Variants in TTC28 observed in about 807,000 individuals in gnomAD.
TTC28 encodes the protein tetratricopeptide repeat protein 28.
In TTC28, 61 loss-of-function variants were observed where a neutral mutation model predicts 198.0. The ratio of observed to expected loss-of-function variants is 0.31; its 90% CI spans 0.25 to 0.38. The LOEUF is 0.38. Among genes scored for constraint, TTC28 ranks in the 10% least tolerant of loss-of-function variants. The pLI is 1.00. For synonymous variants in TTC28, 1,171 were observed against 1,297.8 expected, an observed-to-expected ratio of 0.90 and a Z score of 2.10; for missense variants, 2,678 against 3,164.0, an observed-to-expected ratio of 0.85 and a Z score of 3.69.
chr22:28,274,638 G>T (rs1312014217), intron 5 of TTC28, among the ~76,000 whole-genome samples: 1 of 152,142 alleles, frequency 6.6e-6, no homozygotes, highest in Non-Finnish European at 1.5e-5. Context: ...TTTCTTAAGA[G>T]TGACCAAAAA....
chr22:28,314,442 C>T (rs2045320616), intron 2 of TTC28, among the ~76,000 whole-genome samples: 1 of 152,208 alleles, frequency 6.6e-6, no homozygotes, highest in African/African-American at 2.4e-5. Flanking sequence ...CTGGAGGCAT[C>T]ACGCTTCCTG....
chr22:28,574,467 A>G (rs2050114817), intron 2 of TTC28, among the ~76,000 whole-genome samples: 1 of 152,090 alleles, frequency 6.6e-6, no homozygotes, highest in Non-Finnish European at 1.5e-5. Context: ...GCTACTGTAA[A>G]TGGTGCTGCA....
rs2046662522 is a variant in TTC28 at position 28,388,798 on chromosome 22, T to G, written c.382-82155A>C. On this transcript the variant is annotated intron_variant, in intron 2 of 22. Transcript: ENST00000397906. ...CATGTCATCTGCAAACAGGGACAATTTGACTTCCTCTTTTCCTAATTCAAT... is the reference window on the plus strand; with the variant it reads ...CATGTCATCTGCAAACAGGGACAATGTGACTTCCTCTTTTCCTAATTCAAT... 3.9e-5 allele frequency among the ~76,000 whole-genome samples: 6 copies of G among 152,226 alleles called. No individual in the cohort carries two copies. The South Asian group carries it at 1.2e-3, about 32-fold the overall frequency.
intron 6 of TTC28, among the ~76,000 whole-genome samples, chr22:28,149,156 A>G (rs1943547119): frequency 6.6e-6 from 1 of 152,214 alleles, no homozygotes; most frequent in East Asian, 1.9e-4. Context: ...AAACCTGTAC[A>G]GCATGTTGCT....
intron 2 of TTC28, among the ~76,000 whole-genome samples, chr22:28,366,366 A>G (rs933923570): frequency 3.9e-5 from 6 of 152,150 alleles, no homozygotes; most frequent in African/African-American, 1.2e-4. Context: ...TCAATCACCC[A>G]TTCTTTTAAC....
At chr22:28,509,600 A>G (rs535819361) in intron 2 of TTC28, among the ~76,000 whole-genome samples, 1 of 152,284 alleles carries the variant, frequency 6.6e-6, no homozygotes, top group East Asian at 1.9e-4. Flanking sequence ...CAAGTCAATA[A>G]CCTAACATCT....
chr22:28,099,918 C>G (rs998823519), intron 9 of TTC28, among the ~76,000 whole-genome samples: 10 of 152,232 alleles, frequency 6.6e-5, no homozygotes, highest in Non-Finnish European at 1.5e-4. Context: ...CAGATCATCA[C>G]TGGGCAAGCT....
At chr22:28,606,958 A>G (rs1019091010) in intron 2 of TTC28, among the ~76,000 whole-genome samples, 1 of 152,146 alleles carries the variant, frequency 6.6e-6, no homozygotes, top group African/African-American at 2.4e-5. Flanking sequence ...TTTTAAGCTG[A>G]AGTAATTTGA....
intron 1 of TTC28, among the ~76,000 whole-genome samples, chr22:28,645,798 C>G (rs548364310): frequency 6.6e-6 from 1 of 152,106 alleles, no homozygotes; most frequent in Admixed American, 6.6e-5. Flanking sequence ...TAATAAAATG[C>G]GGCATCCTTT....
chr22:28,532,163 G>A (rs949011515), intron 2 of TTC28, among the ~76,000 whole-genome samples: 1 of 152,010 alleles, frequency 6.6e-6, no homozygotes, highest in Non-Finnish European at 1.5e-5. Context: ...CCACTAGCAA[G>A]ACTAATAGAG....
intron 5 of TTC28, among the ~76,000 whole-genome samples, chr22:28,259,919 G>A (rs1312584062): frequency 2.6e-5 from 4 of 152,128 alleles, no homozygotes; most frequent in Non-Finnish European, 4.4e-5. Context: ...GGCAGTAGAG[G>A]CAGAAAGTCA....
intron 2 of TTC28, among the ~76,000 whole-genome samples, chr22:28,472,770 C>T (rs1162547225): frequency 2.0e-5 from 3 of 152,064 alleles, no homozygotes; most frequent in African/African-American, 7.2e-5. Flanking sequence ...CCAAAGGACA[C>T]TGTTTTCTAG....
chr22:28,537,871 A>G (rs2049329975), intron 2 of TTC28, among the ~76,000 whole-genome samples: 1 of 152,142 alleles, frequency 6.6e-6, no homozygotes, highest in Admixed American at 6.5e-5. Flanking sequence ...CGCAGTGTAC[A>G]CTTTGTTGCC....
At chr22:28,648,570 T>C (rs944988671) in intron 1 of TTC28, among the ~76,000 whole-genome samples, 1 of 152,106 alleles carries the variant, frequency 6.6e-6, no homozygotes, top group African/African-American at 2.4e-5. Flanking sequence ...CAATTCACAA[T>C]TGCAAAGATA....
chr22:28,637,665 T>C (rs907087612), intron 1 of TTC28, among the ~76,000 whole-genome samples: 90 of 152,040 alleles, frequency 5.9e-4, no homozygotes, highest in African/African-American at 2.1e-3. Flanking sequence ...CTATCAATAA[T>C]TACTTTAAGT....
In TTC28 at chr22:28,098,905, C is replaced by T; in HGVS notation, c.3547+10G>A. On this transcript the variant is annotated intron_variant, in intron 10 of 22. Transcript: ENST00000397906. ...ACACGTAAGCAAGGAGTAACCCCAGCTGTTCTCACCTAGGCTGACGAGCAC... is the reference window on the plus strand; with the variant it reads ...ACACGTAAGCAAGGAGTAACCCCAGTTGTTCTCACCTAGGCTGACGAGCAC... 2 of 1,551,396 alleles carry T rather than the reference C, an allele frequency of 1.3e-6. No individual in the cohort carries two copies. Among genetic ancestry groups the T allele is most frequent in the African/African-American group, 1.4e-5 (1 of 73,176 alleles).
At chr22:28,350,418 T>C (rs1368493851) in intron 2 of TTC28, among the ~76,000 whole-genome samples, 2 of 152,196 alleles carry the variant, frequency 1.3e-5, no homozygotes, top group African/African-American at 2.4e-5. Flanking sequence ...TTGTTTTTCA[T>C]GGTTTAATGT....
Position 27,998,844 on chromosome 22 carries a change from C to G in TTC28, c.4815G>C (p.Leu1605=). The G allele has an allele frequency of 6.5e-7, 1 of 1,550,266 alleles. No individual in the cohort carries two copies. The highest frequency in any genetic ancestry group is 8.7e-7 in the Non-Finnish European group (1 of 1,147,002). The change falls in exon 16 of 23, where the codon CTG becomes CTC. Residue 1605 remains leucine, a synonymous_variant. Coordinates refer to ENST00000397906, the MANE Select transcript of TTC28 (RefSeq NM_001145418.2). ...GGTCCAGGACGTCGGCGGCAGTAAG[C>G]AGCAGCTCCTGCAGGGGCGGGCAGT... ...ISDCPPLQEL[L]LTAADVLDLQ...
intron 2 of TTC28, among the ~76,000 whole-genome samples, chr22:28,425,689 A>C (rs1018649703): frequency 6.6e-5 from 10 of 152,206 alleles, no homozygotes; most frequent in Non-Finnish European, 1.0e-4. Flanking sequence ...GATTAATTCC[A>C]ACTTGGTGAA....
Sources: allele counts gnomAD v4.1 joint callset (sites outside exome capture counted in the v4.1 genomes callset), GRCh38; gene constraint gnomAD v4.1.1; transcripts MANE v1.5; gene names NCBI Gene and HGNC (gene_info 2026-07-23, HGNC 2026-07-21).